TSPAN1: variants seen among roughly 807,000 people sequenced by gnomAD.
TSPAN1 encodes the protein tetraspanin-1.
In TSPAN1, 23 loss-of-function variants were observed where a neutral mutation model predicts 26.9. The observed-to-expected ratio is 0.85, with a 90% CI of 0.62 to 1.21. TSPAN1 has a LOEUF of 1.21. Ranked by LOEUF, TSPAN1 falls within the 50% of genes most tolerant of loss-of-function variation. The pLI is 0.00. For missense variants in TSPAN1, 283 were observed against 298.4 expected (o/e 0.95, Z 0.38); for synonymous variants, 115 against 114.8 (o/e 1.00, Z -0.01).
intron 3 of TSPAN1, among the ~76,000 whole-genome samples, chr1:46,182,815 GT>G (rs202042931): frequency 0.036 from 5,506 of 151,914 alleles, 342 homozygotes; most frequent in African/African-American, 0.12. Context: ...TGTTGTTGTT[GT>G]TTGTTTCTTT....
At chr1:46,189,263 G>A, downstream of TSPAN1, 1 of 1,612,884 alleles carries the variant, frequency 6.2e-7, no homozygotes, top group Non-Finnish European at 8.5e-7. Context: ...GGGTCCTGGA[G>A]GAGGTCTCAT....
At chr1:46,193,285 C>G in the TSPAN1 span, 37 of 1,613,722 alleles carry the variant, frequency 2.3e-5, no homozygotes, top group Non-Finnish European at 2.9e-5. Context: ...CTGCCCCATC[C>G]CCACTTGCCT....
chr1:46,196,450 A>G, the TSPAN1 span, among the ~76,000 whole-genome samples: 1 of 152,266 alleles, frequency 6.6e-6, no homozygotes, highest in Non-Finnish European at 1.5e-5. The surrounding 1 kb of genome is among the most constrained non-coding windows in gnomAD (Gnocchi z 4.4). Context: ...AGAAAGGACC[A>G]GGGGATGGTT....
Position 46,176,504 on chromosome 1 carries a change from G to C in TSPAN1, c.-142+1095G>C, listed in dbSNP as rs767146403. 5.2e-6 allele frequency: 8 copies of C among 1,533,244 alleles called. No individual in the cohort carries two copies. In the Middle Eastern group the frequency reaches 8.4e-4, roughly 161 times the overall value. 95.0% of individuals were successfully genotyped at this position (1,533,244 alleles called of 1,614,324 possible). A position where few individuals can be genotyped will look rare whatever the true frequency, so the allele number is the denominator to read the frequency against. On this transcript the variant is annotated intron_variant, in intron 1 of 8. Transcript: ENST00000372003. Reference sequence around the variant, plus strand: ...GGGAGCTTCTGCAGTGTGCCTGGGGGGTGCTGTTGGCCAGGGTAGCTGAGG... The same window carrying C: ...GGGAGCTTCTGCAGTGTGCCTGGGGCGTGCTGTTGGCCAGGGTAGCTGAGG...
intron 2 of TSPAN1, 40 bp from the exon 3 acceptor site, chr1:46,181,060 G>C (rs1182247747): frequency 3.7e-6 from 6 of 1,600,970 alleles, no homozygotes; most frequent in Non-Finnish European, 5.1e-6. Flanking sequence ...GGTGGGCCCA[G>C]GGGAAACAAG....
chr1:46,194,356 C>CG, the TSPAN1 span: 1 of 1,614,206 alleles, frequency 6.2e-7, no homozygotes, highest in Non-Finnish European at 8.5e-7. Context: ...GCAGAAGCGC[C>CG]GGCGGCGACG....
At chr1:46,176,170 C>T in intron 1 of TSPAN1, 6 of 1,526,726 alleles carry the variant, frequency 3.9e-6, no homozygotes, top group Non-Finnish European at 5.3e-6. Flanking sequence ...CCACCGCACC[C>T]AGCCTAGTGG....
the TSPAN1 span, chr1:46,195,617 G>A: frequency 3.2e-5 from 21 of 664,630 alleles, no homozygotes; most frequent in Admixed American, 4.2e-4. Context: ...AGCACCCAGA[G>A]AAGTACCTGG....
chr1:46,184,685 G>C lies in TSPAN1; in HGVS notation c.339+17G>C. 2 of 1,614,176 alleles carry C rather than the reference G, an allele frequency of 1.2e-6. No homozygotes were observed. On this transcript the variant is annotated intron_variant, in intron 5 of 8. Transcript: ENST00000372003. ...ACCACAATGGTGAGACACTGGGATGGAGGAAGGGAAGAAGATTGGGCAAAA... is the reference window on the plus strand; with the variant it reads ...ACCACAATGGTGAGACACTGGGATGCAGGAAGGGAAGAAGATTGGGCAAAA...
At chr1:46,194,092 G>A in the TSPAN1 span, among the ~76,000 whole-genome samples, 3 of 152,256 alleles carry the variant, frequency 2.0e-5, no homozygotes, top group South Asian at 2.1e-4. Flanking sequence ...CAACTCTAGC[G>A]CTGAGCTTTA....
chr1:46,185,571 G>A lies in TSPAN1; in HGVS notation c.*38G>A, dbSNP rs1317182350. On this transcript the variant is annotated 3_prime_UTR_variant, in exon 9 of 9. Coordinates refer to ENST00000372003, the MANE Select transcript of TSPAN1 (RefSeq NM_005727.4). ...CTCTGCCACTACTGCTGCCACATGG[G>A]AACTGTGAAGAGGCACCCTGGCAAG... 1 of 1,610,160 alleles carries A rather than the reference G, an allele frequency of 6.2e-7. No individual in the cohort carries two copies. The highest frequency in any genetic ancestry group is 1.7e-5 in the Admixed American group (1 of 60,008).
chr1:46,193,254 G>T, the TSPAN1 span: 1 of 1,613,966 alleles, frequency 6.2e-7, no homozygotes, highest in Admixed American at 1.7e-5. Flanking sequence ...GAGCTTTAGG[G>T]TAGAAGGCAG....
chr1:46,179,359 T>G (rs945524512), intron 1 of TSPAN1, among the ~76,000 whole-genome samples: 3 of 151,658 alleles, frequency 2.0e-5, no homozygotes, highest in Non-Finnish European at 4.4e-5. Flanking sequence ...ATAGCCCCAC[T>G]GCCTGTGACT....
chr1:46,183,193 G>A (rs1429259387), intron 3 of TSPAN1, among the ~76,000 whole-genome samples: 1 of 152,176 alleles, frequency 6.6e-6, no homozygotes, highest in South Asian at 2.1e-4. Context: ...TGCCCTGAGA[G>A]GGTTAAAGGC....
chr1:46,185,587 C>A lies in TSPAN1; in HGVS notation c.*54C>A. On this transcript the variant is annotated 3_prime_UTR_variant, in exon 9 of 9. Coordinates refer to ENST00000372003, the MANE Select transcript of TSPAN1 (RefSeq NM_005727.4). Reference sequence around the variant, plus strand: ...GCCACATGGGAACTGTGAAGAGGCACCCTGGCAAGCAGCAGTGATTGGGGG... The same window carrying A: ...GCCACATGGGAACTGTGAAGAGGCAACCTGGCAAGCAGCAGTGATTGGGGG... 1 of 1,588,138 alleles carries A rather than the reference C, an allele frequency of 6.3e-7. No homozygotes were observed. Among genetic ancestry groups the A allele is most frequent in the African/African-American group, 1.3e-5 (1 of 74,534 alleles).
the TSPAN1 span, chr1:46,193,175 G>C: frequency 3.7e-6 from 6 of 1,614,140 alleles, no homozygotes; most frequent in Non-Finnish European, 5.1e-6. Context: ...AGTACTCACC[G>C]GAAACAGGTT....
At chr1:46,182,048 G>A (rs1657324858) in intron 3 of TSPAN1, among the ~76,000 whole-genome samples, 1 of 151,942 alleles carries the variant, frequency 6.6e-6, no homozygotes, top group Non-Finnish European at 1.5e-5. Context: ...GGTAGAAGAA[G>A]GGGCAAGGGA....
downstream of TSPAN1, among the ~76,000 whole-genome samples, chr1:46,187,986 C>T (rs188092885): frequency 1.4e-3 from 213 of 152,284 alleles, 4 homozygotes; most frequent in Admixed American, 0.014. Flanking sequence ...TGACATTAGG[C>T]CCTTCACAGA....
chr1:46,184,903 G>A lies in TSPAN1; in HGVS notation c.438+20G>A. The A allele has an allele frequency of 6.2e-7, 1 of 1,614,136 alleles. No homozygotes were observed. Among genetic ancestry groups the A allele is most frequent in the Non-Finnish European group, 8.5e-7 (1 of 1,179,996 alleles). ...AAAGGGGTAAGGTTGGCTGGGGGAGGTTTTAGGGTGGAGAGAAAGAAGCAA... is the reference window on the plus strand; with the variant it reads ...AAAGGGGTAAGGTTGGCTGGGGGAGATTTTAGGGTGGAGAGAAAGAAGCAA... On this transcript the variant is annotated intron_variant, in intron 6 of 8. Coordinates refer to ENST00000372003, the MANE Select transcript of TSPAN1 (RefSeq NM_005727.4).
Sources: gnomAD v4.1 joint callset for allele counts (sites outside exome capture counted in the v4.1 genomes callset) on GRCh38, gnomAD v4.1.1 for gene constraint, Gnocchi (gnomAD v3.1) non-coding constraint, MANE v1.5 for transcripts, NCBI Gene and HGNC (gene_info 2026-07-23, HGNC 2026-07-21) for gene names.